Variants in KLRC1 observed in about 807,000 individuals in gnomAD.
KLRC1 encodes NKG2-A/NKG2-B type II integral membrane protein.
In KLRC1, 22 loss-of-function variants were observed where a neutral mutation model predicts 25.9. The observed-to-expected ratio is 0.85, with a 90% CI of 0.61 to 1.21. KLRC1 has a LOEUF of 1.21. Among genes scored for constraint, KLRC1 ranks in the 50% most tolerant of loss-of-function variants. The pLI, the probability that KLRC1 is intolerant of heterozygous loss-of-function variation, is 0.00. For synonymous variants in KLRC1, 77 were observed against 93.1 expected (o/e 0.83, Z 0.99); for missense variants, 240 against 272.2 (o/e 0.88, Z 0.83).
In KLRC1 at chr12:10,449,943, T is replaced by A; in HGVS notation, c.308A>T (p.Asn103Ile). The A allele has an allele frequency of 6.7e-7, 1 of 1,492,614 alleles. No individual in the cohort carries two copies. 92.5% of individuals were successfully genotyped at this position (1,492,614 alleles called of 1,614,324 possible). The change falls in exon 4 of 7, where the codon AAT becomes ATT. Residue 103 changes from asparagine to isoleucine, a missense_variant. Transcript: ENST00000359151. ...CTGAGTTCTTGTATTCAGGGAAGAA[T>A]TGTTGTGCCTCTGTATTAATGTAGC... ...IPSTLIQRHN[N>I]SSLNTRTQKA...
At position 10,447,658 on chromosome 12, in the gene KLRC1, TTAAA is replaced by T. The variant is rs557097707; in HGVS notation, c.490-30_490-27del. 2.9e-4 allele frequency: 437 copies of T among 1,529,390 alleles called. 1 individual carries two copies. In the African/African-American group the frequency reaches 5.5e-3, roughly 19 times the overall value. The allele number at this position is 1,529,390 out of a possible 1,614,324, so 94.7% of individuals were successfully genotyped here. On this transcript the variant is annotated intron_variant, in intron 5 of 6. Transcript: ENST00000359151. ...CTAAAAGAAAAGAAAGAATTTTCACTTAAATAATAATTATGAAAACATTACAAAA... is the reference window on the plus strand; with the variant it reads ...CTAAAAGAAAAGAAAGAATTTTCACTTAATAATTATGAAAACATTACAAAA...
Position 10,446,627 on chromosome 12 carries a change from G to A in KLRC1, c.626C>T (p.Ala209Val), listed in dbSNP as rs1212355609. ...KDSDNAELNC[A>V]VLQVNRLKSA... ...TTTAAGTCGATTTACTTGTAGCACT[G>A]CACAGTTAAGTTCAGCATTATCTGA... The change falls in exon 7 of 7, where the codon GCA becomes GTA. Residue 209 changes from alanine (A) to valine (V), a missense_variant. Coordinates refer to ENST00000359151, the MANE Select transcript of KLRC1 (RefSeq NM_002259.5). 6.2e-7 allele frequency: 1 copy of A among 1,613,724 alleles called. No homozygotes were observed. The highest frequency in any genetic ancestry group is 1.3e-5 in the African/African-American group (1 of 74,908).
chr12:10,443,868 A>G (rs1276002034), downstream of KLRC1, among the ~76,000 whole-genome samples: 3 of 139,426 alleles, frequency 2.2e-5, no homozygotes, highest in East Asian at 2.1e-4. Context: ...AATAACATAT[A>G]AAGCCAGTTT....
intron 1 of KLRC1, among the ~76,000 whole-genome samples, chr12:10,451,696 T>C (rs894001276): frequency 6.6e-6 from 1 of 152,124 alleles, no homozygotes; most frequent in Non-Finnish European, 1.5e-5. Flanking sequence ...CAAAATATTA[T>C]TGCTGGGGCA....
downstream of KLRC1, among the ~76,000 whole-genome samples, chr12:10,445,386 AAT>A (rs1318441427): frequency 4.1e-5 from 3 of 72,734 alleles, no homozygotes; most frequent in African/African-American, 4.9e-4. Context: ...CAATTGATAA[AAT>A]CTATTAGAAA....
At chr12:10,442,960 G>A (rs1863930241), downstream of KLRC1, among the ~76,000 whole-genome samples, 1 of 87,120 alleles carries the variant, frequency 1.1e-5, no homozygotes, top group African/African-American at 4.9e-5. Context: ...CTCATGGAGA[G>A]AGACAGTAGA....
At chr12:10,444,829 A>T (rs2137883716), downstream of KLRC1, among the ~76,000 whole-genome samples, 1 of 152,236 alleles carries the variant, frequency 6.6e-6, no homozygotes, top group African/African-American at 2.4e-5. Context: ...TCAAGTATAT[A>T]GCTATGAATA....
intron 1 of KLRC1, among the ~76,000 whole-genome samples, chr12:10,451,446 A>G (rs1410839418): frequency 6.6e-6 from 1 of 152,194 alleles, no homozygotes; most frequent in African/African-American, 2.4e-5. Flanking sequence ...TCACGAGGTC[A>G]GGAGATCGAG....
chr12:10,449,190 G>A (rs945988478), intron 5 of KLRC1, 47 bp downstream of exon 5: 14 of 1,608,428 alleles, frequency 8.7e-6, no homozygotes, highest in East Asian at 4.5e-5. Context: ...ATATATTATC[G>A]ACCGAAAGAA....
upstream of KLRC1, among the ~76,000 whole-genome samples, chr12:10,453,576 T>C (rs3809216): frequency 0.068 from 10,182 of 150,608 alleles, 699 homozygotes; most frequent in South Asian, 0.24. Context: ...TTTTTTTTTT[T>C]CTGTCTTGAT....
At chr12:10,447,112 C>A in intron 6 of KLRC1, 1 of 213,260 alleles carries the variant, frequency 4.7e-6, no homozygotes, top group Non-Finnish European at 9.4e-6. Flanking sequence ...TAGTCCAGCT[C>A]GAGCTTGTCC....
rs1298303600 is a variant in KLRC1, at chr12:10,446,061, G to A, written c.*490C>T. 1 of 150,574 alleles carries A rather than the reference G, an allele frequency of 6.6e-6. No homozygotes were observed. The highest frequency in any genetic ancestry group is 2.5e-5 in the African/African-American group (1 of 40,576). 9.3% of individuals were successfully genotyped at this position (150,574 alleles called of 1,614,324 possible). A position where few individuals can be genotyped will look rare whatever the true frequency, so the allele number is the denominator to read the frequency against. On this transcript the variant is annotated 3_prime_UTR_variant, in exon 7 of 7. Coordinates refer to ENST00000359151, the MANE Select transcript of KLRC1 (RefSeq NM_002259.5). ...TTTTTCTGGATAGCTTTATTGAAGT[G>A]TCGTGTACAAAGCATACATTTCATG...
intron 6 of KLRC1, chr12:10,447,290 C>A: frequency 5.8e-6 from 2 of 343,246 alleles, no homozygotes; most frequent in Non-Finnish European, 1.1e-5. Flanking sequence ...TCTTCTTCTT[C>A]CAATGTGGCC....
At chr12:10,449,855 G>T in intron 4 of KLRC1, 59 bp downstream of exon 4, 1 of 1,320,754 alleles carries the variant, frequency 7.6e-7, no homozygotes, top group Non-Finnish European at 1.0e-6. Context: ...TTTTTGTACA[G>T]CCTAAGATCA....
At chr12:10,444,914 A>ATTTTT (rs748521358), downstream of KLRC1, among the ~76,000 whole-genome samples, 3 of 89,106 alleles carry the variant, frequency 3.4e-5, no homozygotes, top group African/African-American at 4.8e-5. Context: ...ATATGCACTA[A>ATTTTT]TTTTTTTTTT....
chr12:10,447,330 A>C (rs1864009673), intron 6 of KLRC1: 1 of 156,056 alleles, frequency 6.4e-6, no homozygotes, highest in Non-Finnish European at 1.1e-5. Flanking sequence ...ACACCTGATA[A>C]TCAAGAAGGT....
At chr12:10,446,702 C>G in intron 6 of KLRC1, 40 bp from the exon 7 acceptor site, 1 of 1,610,538 alleles carries the variant, frequency 6.2e-7, no homozygotes, top group Non-Finnish European at 8.5e-7. Context: ...ACATTTTAAG[C>G]AAATGATTCA....
At position 10,450,043 on chromosome 12, in the gene KLRC1, A is replaced by AT. The variant is rs1011245481; in HGVS notation, c.284-77dup. 8.8e-6 allele frequency: 10 copies of AT among 1,140,630 alleles called. No individual in the cohort carries two copies. In the Admixed American group the frequency reaches 1.4e-4, roughly 16 times the overall value. The allele number at this position is 1,140,630 out of a possible 1,614,324, so 70.7% of individuals were successfully genotyped here. On this transcript the variant is annotated intron_variant, in intron 3 of 6. Transcript: ENST00000359151. The stretch of plus-strand genomic sequence containing the variant: ...ATAATAATTTTAAGTTTTTGTTTGA[A>AT]TTTTTTTGTATTATTTAGAGTTAGA...
At chr12:10,449,091 C>T (rs7301582) in intron 5 of KLRC1, 146 bp downstream of exon 5, 237,607 of 1,080,208 alleles carry the variant, frequency 0.22, 29,386 homozygotes, top group African/African-American at 0.49. Flanking sequence ...AATTTTAAAA[C>T]ATTATTAAGT....
Sources: gnomAD v4.1 joint callset for allele counts (sites outside exome capture counted in the v4.1 genomes callset) on GRCh38, gnomAD v4.1.1 for gene constraint, MANE v1.5 for transcripts, NCBI Gene and HGNC (gene_info 2026-07-23, HGNC 2026-07-21) for gene names.